Variants in CCDC178 observed in about 807,000 individuals in gnomAD.
The protein encoded by CCDC178 is coiled-coil domain containing 178, also known as coiled-coil domain-containing protein 178.
In CCDC178, 126 loss-of-function variants were observed where a neutral mutation model predicts 117.4. That is an observed-to-expected ratio of 1.07 (90% confidence interval 0.93 to 1.24). The LOEUF is 1.24. CCDC178 is among the 50% of genes most tolerant of loss of function. CCDC178 has a pLI of 0.00. For missense variants in CCDC178, 1,030 were observed against 986.9 expected (o/e 1.04, Z -0.59); for synonymous variants, 283 against 313.4 (o/e 0.90, Z 1.02).
At chr18:33,331,294 C>G (rs1226188123) in intron 10 of CCDC178, among the ~76,000 whole-genome samples, 1 of 151,660 alleles carries the variant, frequency 6.6e-6, no homozygotes, top group Non-Finnish European at 1.5e-5. Flanking sequence ...AGGAATAAAC[C>G]AAATAAGTTG....
At chr18:33,416,049 A>G (rs2144914733) in intron 2 of CCDC178, among the ~76,000 whole-genome samples, 1 of 152,344 alleles carries the variant, frequency 6.6e-6, no homozygotes, top group African/African-American at 2.4e-5. Flanking sequence ...TGCTTTCTTT[A>G]GTCAAGAGAC....
chr18:33,405,485 T>C (rs991725039), intron 3 of CCDC178, among the ~76,000 whole-genome samples: 2 of 151,842 alleles, frequency 1.3e-5, no homozygotes, highest in Non-Finnish European at 2.9e-5. Flanking sequence ...TGATTATAAT[T>C]AGATGAAAAT....
intron 22 of CCDC178, among the ~76,000 whole-genome samples, chr18:32,956,382 T>C (rs1280678591): frequency 1.3e-5 from 2 of 152,230 alleles, no homozygotes; most frequent in Admixed American, 1.3e-4. Context: ...TAATACATCA[T>C]ATCGTATTAT....
intron 21 of CCDC178, among the ~76,000 whole-genome samples, chr18:33,027,864 T>C (rs1273682215): frequency 6.6e-6 from 1 of 151,586 alleles, no homozygotes; most frequent in Non-Finnish European, 1.5e-5. Context: ...CCAAATATTT[T>C]GATATTTGGG....
At chr18:33,412,262 C>A (rs2063865659) in intron 2 of CCDC178, 152 bp from the exon 3 acceptor site, 1 of 386,314 alleles carries the variant, frequency 2.6e-6, no homozygotes, top group African/African-American at 2.1e-5. Context: ...CTTATTAGGA[C>A]TATTACGATC....
chr18:33,195,741 AG>A (rs1334010403), intron 20 of CCDC178, among the ~76,000 whole-genome samples: 2 of 152,202 alleles, frequency 1.3e-5, no homozygotes, highest in Non-Finnish European at 2.9e-5. Context: ...TTAGGACACA[AG>A]GCTATATTTC....
intron 20 of CCDC178, among the ~76,000 whole-genome samples, chr18:33,159,380 C>T (rs2144374229): frequency 6.6e-6 from 1 of 152,188 alleles, no homozygotes; most frequent in East Asian, 1.9e-4. Flanking sequence ...AAGTAAGTGG[C>T]TCCAATCAAT....
chr18:33,235,577 T>C (rs80179594), intron 15 of CCDC178, among the ~76,000 whole-genome samples: 1 of 152,218 alleles, frequency 6.6e-6, no homozygotes, highest in South Asian at 2.1e-4. Context: ...TTCCTTCCTT[T>C]TTACTAAGTT....
At chr18:32,960,825 T>G (rs1317307970) in intron 22 of CCDC178, among the ~76,000 whole-genome samples, 1 of 152,176 alleles carries the variant, frequency 6.6e-6, no homozygotes, top group African/African-American at 2.4e-5. Context: ...TTCCTAATTT[T>G]TCTTATAATT....
intron 20 of CCDC178, among the ~76,000 whole-genome samples, chr18:33,176,957 C>A (rs1459901878): frequency 6.6e-6 from 1 of 152,188 alleles, no homozygotes; most frequent in East Asian, 1.9e-4. Context: ...AACCTCTTCA[C>A]TAAATCTCTG....
chr18:32,998,405 G>A (rs2055563159), intron 21 of CCDC178, among the ~76,000 whole-genome samples: 1 of 152,148 alleles, frequency 6.6e-6, no homozygotes, highest in Non-Finnish European at 1.5e-5. Flanking sequence ...TCTAGGCCAT[G>A]AGGACTGTAA....
At chr18:33,403,819 A>T (rs1340025859) in intron 3 of CCDC178, among the ~76,000 whole-genome samples, 2 of 152,072 alleles carry the variant, frequency 1.3e-5, no homozygotes, top group East Asian at 3.9e-4. Context: ...TTGAGAGTTA[A>T]AAACTTCTGG....
At chr18:33,418,895 A>T (rs1409154258) in intron 2 of CCDC178, among the ~76,000 whole-genome samples, 1 of 152,212 alleles carries the variant, frequency 6.6e-6, no homozygotes, top group Non-Finnish European at 1.5e-5. Context: ...AATATTGTTA[A>T]AATGGCCACA....
intron 12 of CCDC178, among the ~76,000 whole-genome samples, chr18:33,277,220 A>G (rs1051509410): frequency 1.3e-5 from 2 of 152,156 alleles, no homozygotes; most frequent in African/African-American, 2.4e-5. Flanking sequence ...AACAATGATG[A>G]GTAACATAAA....
At chr18:33,134,682 C>T (rs1221902349) in intron 20 of CCDC178, among the ~76,000 whole-genome samples, 2 of 152,010 alleles carry the variant, frequency 1.3e-5, no homozygotes. Context: ...TTTTTCCTTC[C>T]TTTCTTCTTT....
intron 5 of CCDC178, among the ~76,000 whole-genome samples, chr18:33,381,574 C>T (rs1326936969): frequency 6.6e-6 from 1 of 152,218 alleles, no homozygotes; most frequent in Non-Finnish European, 1.5e-5. Flanking sequence ...TCACTGTTGA[C>T]ACATTCTATT....
chr18:33,298,040 GAAA>G (rs71159811), intron 11 of CCDC178, among the ~76,000 whole-genome samples: 1 of 142,372 alleles, frequency 7.0e-6, no homozygotes. Flanking sequence ...GACTCTGTCT[GAAA>G]AAAAAAAAAA....
At chr18:33,072,142 T>A (rs1265556972) in intron 21 of CCDC178, among the ~76,000 whole-genome samples, 1 of 152,150 alleles carries the variant, frequency 6.6e-6, no homozygotes, top group Non-Finnish European at 1.5e-5. Flanking sequence ...ACTAATACTA[T>A]ACTTTTAAAT....
At chr18:33,156,659 AAAG>A (rs920137695) in intron 20 of CCDC178, among the ~76,000 whole-genome samples, 2 of 151,236 alleles carry the variant, frequency 1.3e-5, no homozygotes, top group African/African-American at 2.4e-5. Context: ...AAAAAAAAAA[AAAG>A]AGAAAATAAA....
Sources: allele counts gnomAD v4.1 joint callset (sites outside exome capture counted in the v4.1 genomes callset), GRCh38; gene constraint gnomAD v4.1.1; transcripts MANE v1.5; gene names NCBI Gene and HGNC (gene_info 2026-07-23, HGNC 2026-07-21).